GALNT16: variants seen among roughly 807,000 people sequenced by gnomAD.
The protein encoded by GALNT16 is polypeptide N-acetylgalactosaminyltransferase 16, also known as UDP-GalNAc:polypeptide N-acetylgalactosaminyltransferase-like protein 1.
Under a neutral mutation model 76.1 loss-of-function variants are expected in GALNT16, and 40 were observed. That is an observed-to-expected ratio of 0.53 (90% CI 0.41 to 0.68). GALNT16 has a LOEUF of 0.68. GALNT16 is among the 30% of genes least tolerant of loss of function. The probability of loss-of-function intolerance (pLI) is 0.00; values close to 1 mark genes in which losing one functional copy is unlikely to be tolerated. For synonymous variants in GALNT16, 276 were observed against 285.2 expected, an observed-to-expected ratio of 0.97 and a Z score of 0.32; for missense variants, 621 against 731.9, an observed-to-expected ratio of 0.85 and a Z score of 1.75.
chr14:69,369,529 A>AT, the GALNT16 span, among the ~76,000 whole-genome samples: 1,448 of 152,308 alleles, frequency 9.5e-3, 24 homozygotes, highest in African/African-American at 0.033. Flanking sequence ...ACTGTGAACC[A>AT]CTGGCATGTG....
chr14:69,377,555 C>G, the GALNT16 span, among the ~76,000 whole-genome samples: 298 of 151,922 alleles, frequency 2.0e-3, 1 homozygote, highest in African/African-American at 6.9e-3. Flanking sequence ...GCCTGTAATC[C>G]CAACACTTTG....
At chr14:69,303,225 C>T (rs756196828) in intron 1 of GALNT16, among the ~76,000 whole-genome samples, 1 of 152,186 alleles carries the variant, frequency 6.6e-6, no homozygotes, top group Non-Finnish European at 1.5e-5. Context: ...TACATTTGCT[C>T]GTCATTCTGC....
At chr14:69,349,046 A>G (rs1332570916) in intron 14 of GALNT16, 3 of 152,274 alleles carry the variant, frequency 2.0e-5, no homozygotes. Flanking sequence ...TTTTTAAAGG[A>G]TGAACAGCAG....
chr14:69,368,344 C>T, the GALNT16 span, among the ~76,000 whole-genome samples: 2 of 152,194 alleles, frequency 1.3e-5, no homozygotes, highest in Non-Finnish European at 2.9e-5. Context: ...AGGGTTCTGG[C>T]TCAGAGACTC....
intron 1 of GALNT16, among the ~76,000 whole-genome samples, chr14:69,300,577 T>C (rs1263601852): frequency 6.6e-6 from 1 of 152,228 alleles, no homozygotes; most frequent in Non-Finnish European, 1.5e-5. Context: ...ATTTGAGTCA[T>C]CTGCAGAATC....
Position 69,339,571 on chromosome 14 carries a change from A to C in GALNT16, c.1139A>C (p.Gln380Pro), listed in dbSNP as rs1249446889. Residue 380 changes from glutamine to proline, a missense_variant, in exon 11 of 15, where the codon CAA (glutamine) becomes CCA (proline). Transcript: ENST00000448469. ...GAAGTGTGGATGGATGAATACAAGC[A>C]ATACTACTATGAGGCCCGGCCCTCG... ...TAEVWMDEYK[Q>P]YYYEARPSAI... The C allele has an allele frequency of 1.9e-6, 3 of 1,613,380 alleles. No homozygotes were observed. The highest frequency in any genetic ancestry group is 2.5e-6 in the Non-Finnish European group (3 of 1,179,432).
the GALNT16 span, among the ~76,000 whole-genome samples, chr14:69,363,813 GC>G: frequency 0.14 from 21,025 of 152,174 alleles, 1,533 homozygotes; most frequent in East Asian, 0.18. Flanking sequence ...GCAGATGCAT[GC>G]CGATCTTGTT....
chr14:69,371,549 C>T, the GALNT16 span, among the ~76,000 whole-genome samples: 1 of 152,008 alleles, frequency 6.6e-6, no homozygotes, highest in Admixed American at 6.5e-5. Context: ...AGCCACCACA[C>T]CCGGCCTAAC....
intron 1 of GALNT16, among the ~76,000 whole-genome samples, chr14:69,292,748 G>A (rs145846309): frequency 1.3e-5 from 2 of 152,338 alleles, no homozygotes; most frequent in Admixed American, 1.3e-4. Flanking sequence ...TCTAGTGATG[G>A]TGGCTTCCCC....
intron 2 of GALNT16, among the ~76,000 whole-genome samples, chr14:69,322,925 G>GGGGGT (rs797021875): frequency 3.9e-5 from 4 of 103,778 alleles, no homozygotes; most frequent in Non-Finnish European, 7.3e-5. Flanking sequence ...TGGCTCACGG[G>GGGGGT]GTGTGTGTGT....
At chr14:69,371,924 A>T in the GALNT16 span, among the ~76,000 whole-genome samples, 2 of 152,166 alleles carry the variant, frequency 1.3e-5, no homozygotes. Context: ...AGCCTGGGCG[A>T]CAGAGCAAGA....
At chr14:69,273,203 C>T (rs1486215011) in intron 1 of GALNT16, among the ~76,000 whole-genome samples, 1 of 151,994 alleles carries the variant, frequency 6.6e-6, no homozygotes, top group Admixed American at 6.5e-5. Flanking sequence ...TTAGAAATCC[C>T]TTCTAAGCTC....
At chr14:69,372,426 T>A in the GALNT16 span, among the ~76,000 whole-genome samples, 2 of 151,860 alleles carry the variant, frequency 1.3e-5, no homozygotes, top group Non-Finnish European at 2.9e-5. Flanking sequence ...TATTCAGAGA[T>A]GCTCACCATT....
intron 9 of GALNT16, among the ~76,000 whole-genome samples, chr14:69,334,684 C>T (rs1009369974): frequency 2.6e-5 from 4 of 152,160 alleles, no homozygotes; most frequent in African/African-American, 9.7e-5. Context: ...GCACATGCAG[C>T]CAGCCCATGG....
chr14:69,283,303 A>G (rs1284433414), intron 1 of GALNT16, among the ~76,000 whole-genome samples: 1 of 152,222 alleles, frequency 6.6e-6, no homozygotes, highest in South Asian at 2.1e-4. Context: ...GTTTAGCTGC[A>G]TCAGGTCCTG....
intron 9 of GALNT16, among the ~76,000 whole-genome samples, chr14:69,336,780 T>C (rs1037061433): frequency 1.3e-5 from 2 of 152,162 alleles, no homozygotes; most frequent in African/African-American, 4.8e-5. Context: ...CAGGATGGAG[T>C]GCAGTGGCAC....
rs370137620 is a variant in GALNT16, at chr14:69,273,129, A to G, written c.177+12662A>G. ...CCGTGAGCATGGGATACCTCCCAGC[A>G]TGGGCTCTAGTCCTCATATCATCAT... On this transcript the variant is annotated intron_variant, in intron 1 of 14. Coordinates refer to ENST00000448469, the MANE Select transcript of GALNT16 (RefSeq NM_001168368.2). 9.8e-5 allele frequency among the ~76,000 whole-genome samples: 15 copies of G among 152,390 alleles called. No homozygotes were observed. The East Asian group carries it at 1.7e-3, about 18-fold the overall frequency.
chr14:69,341,830 G>T (rs1156470396), intron 12 of GALNT16, 66 bp downstream of exon 12: 10 of 1,002,684 alleles, frequency 1.0e-5, no homozygotes, highest in Non-Finnish European at 1.4e-5. Flanking sequence ...CAGCGGCTTT[G>T]GTCCCACCCC....
intron 14 of GALNT16, chr14:69,349,532 G>C (rs930341921): frequency 1.3e-5 from 2 of 152,194 alleles, no homozygotes; most frequent in African/African-American, 4.8e-5. Flanking sequence ...TCTGGAATCC[G>C]GGCCGTCCTT....
Sources: allele counts gnomAD v4.1 joint callset (sites outside exome capture counted in the v4.1 genomes callset), GRCh38; gene constraint gnomAD v4.1.1; transcripts MANE v1.5; gene names NCBI Gene and HGNC (gene_info 2026-07-23, HGNC 2026-07-21).